Variants in ODR4 observed in about 807,000 individuals in gnomAD.
ODR4 encodes protein odr-4 homolog.
ODR4 carries 47 observed loss-of-function variants against 60.2 expected under a neutral mutation model. The ratio of observed to expected loss-of-function variants is 0.78; its 90% confidence interval spans 0.62 to 1.00. The LOEUF is 1.00. ODR4 is among the 50% of genes least tolerant of loss of function. The probability of loss-of-function intolerance (pLI) is 0.00; values close to 1 mark genes in which losing one functional copy is unlikely to be tolerated. For missense variants in ODR4, 488 were observed against 530.8 expected (o/e 0.92, Z 0.79); for synonymous variants, 178 against 175.5 (o/e 1.01, Z -0.11).
intron 2 of ODR4, among the ~76,000 whole-genome samples, 198 bp downstream of exon 2, chr1:186,380,082 T>C (rs536143340): frequency 2.6e-5 from 4 of 152,268 alleles, no homozygotes; most frequent in African/African-American, 9.6e-5. Flanking sequence ...CTAGCCCAAT[T>C]TTGCTCGTCA....
chr1:186,430,495 A>G, the ODR4 span, among the ~76,000 whole-genome samples: 1 of 152,136 alleles, frequency 6.6e-6, no homozygotes, highest in South Asian at 2.1e-4. Context: ...GGCAAATCCA[A>G]TTTAGTTGTA....
chr1:186,418,990 GTGTT>G lies in ODR4; in HGVS notation c.1298-13_1298-10del, dbSNP rs1661688168. ...TGCTCATTCCATTTTCATTTGTTCT[GTGTT>G]TGTTTTACTTTTAGGTGTGATTGCA... On this transcript the variant is annotated splice_polypyrimidine_tract_variant and intron_variant, in intron 13 of 13. Coordinates refer to ENST00000287859, the MANE Select transcript of ODR4 (RefSeq NM_017847.6). 1 of 1,592,448 alleles carries G rather than the reference GTGTT, an allele frequency of 6.3e-7. No individual in the cohort carries two copies. The highest frequency in any genetic ancestry group is 8.6e-7 in the Non-Finnish European group (1 of 1,168,230).
rs547459488 is a variant in ODR4, at chr1:186,410,981, CT to C, written c.1186+4714del. On this transcript the variant is annotated intron_variant, in intron 12 of 13. Coordinates refer to ENST00000287859, the MANE Select transcript of ODR4 (RefSeq NM_017847.6). ...GGTGAGCCAAGATCGTGCCATTGCACTCCAGCCTGGGCAACAAGAGCAAAAC... is the reference window on the plus strand; with the variant it reads ...GGTGAGCCAAGATCGTGCCATTGCACCCAGCCTGGGCAACAAGAGCAAAAC... Among the ~76,000 whole-genome samples the C allele has an allele frequency of 1.1e-4, 16 of 151,610 alleles. No individual in the cohort carries two copies. In the South Asian group the frequency reaches 1.9e-3, roughly 18 times the overall value.
intron 11 of ODR4, among the ~76,000 whole-genome samples, chr1:186,399,990 CTTTTTTTTTT>C (rs948511178): frequency 2.3e-4 from 26 of 112,044 alleles, no homozygotes; most frequent in Non-Finnish European, 4.4e-4. Flanking sequence ...TTTTTTTTTT[CTTTTTTTTTT>C]TTTTTTTTTG....
rs76029578 is a variant in ODR4 at position 186,396,073 on chromosome 1, A to G, written c.780+2058A>G. On this transcript the variant is annotated intron_variant, in intron 9 of 13. Transcript: ENST00000287859. The stretch of plus-strand genomic sequence containing the variant: ...CTGTCACCCAAACTGTCAAAATCCT[A>G]TCTGTACATTAAGATCTAGCCCAAA... Among the ~76,000 whole-genome samples the G allele has an allele frequency of 4.6e-4, 70 of 152,220 alleles. 2 individuals carry two copies. In the East Asian group the frequency reaches 0.013, roughly 29 times the overall value.
chr1:186,393,497 A>G (rs181270678), intron 8 of ODR4, among the ~76,000 whole-genome samples: 3 of 152,238 alleles, frequency 2.0e-5, no homozygotes, highest in Non-Finnish European at 2.9e-5. Context: ...ACCTGAAGGA[A>G]GCGGAACTTT....
chr1:186,377,780 T>C (rs1659844939), intron 1 of ODR4, among the ~76,000 whole-genome samples: 1 of 152,158 alleles, frequency 6.6e-6, no homozygotes, highest in Non-Finnish European at 1.5e-5. Flanking sequence ...GCATGGTGAC[T>C]CACACCTGTA....
At position 186,402,231 on chromosome 1, in the gene ODR4, T is replaced by TTTCTTTCTTTCTTTCTTTCC. The variant is rs1459855696; in HGVS notation, c.1000+3190_1000+3191insTTTCTTTCTTTCTTTCCTTC. On this transcript the variant is annotated intron_variant, in intron 11 of 13. Coordinates refer to ENST00000287859, the MANE Select transcript of ODR4 (RefSeq NM_017847.6). Reference sequence around the variant, plus strand: ...CTTTCTTTCTTTCTTTCTTTCTTTCTTTCCTTTCTTTCTTTCTCTTCTTTT... The same window carrying TTTCTTTCTTTCTTTCTTTCC: ...CTTTCTTTCTTTCTTTCTTTCTTTCTTTCTTTCTTTCTTTCTTTCCTTCCTTTCTTTCTTTCTCTTCTTTT... 3.4e-3 allele frequency among the ~76,000 whole-genome samples: 511 copies of TTTCTTTCTTTCTTTCTTTCC among 149,488 alleles called. 9 individuals carry two copies. The highest frequency in any genetic ancestry group is 0.012 in the African/African-American group (488 of 40,228).
At chr1:186,378,811 T>G (rs943809239) in intron 1 of ODR4, among the ~76,000 whole-genome samples, 1 of 152,206 alleles carries the variant, frequency 6.6e-6, no homozygotes, top group Non-Finnish European at 1.5e-5. Context: ...TTATGAATTA[T>G]TAATGTTACA....
At position 186,383,102 on chromosome 1, in the gene ODR4, C is replaced by A; in HGVS notation, c.180C>A (p.Pro60=). The A allele has an allele frequency of 1.3e-6, 2 of 1,562,642 alleles. No individual in the cohort carries two copies. The highest frequency in any genetic ancestry group is 4.7e-5 in the East Asian group (2 of 42,322). The change falls in exon 3 of 14, where the codon CCC becomes CCA. Residue 60 remains proline (P), a synonymous_variant. Transcript: ENST00000287859. The part of the protein sequence containing the change: ...KEEQSENLKH[P]KAKLDNLDEE... ...AGCAAAGTGAGAACCTCAAACATCCCAAAGCTAAGTTGGATAACTTGGATG... is the reference window on the plus strand; with the variant it reads ...AGCAAAGTGAGAACCTCAAACATCCAAAAGCTAAGTTGGATAACTTGGATG...
intron 11 of ODR4, among the ~76,000 whole-genome samples, chr1:186,403,109 A>T (rs1230571775): frequency 6.6e-6 from 1 of 152,220 alleles, no homozygotes; most frequent in African/African-American, 2.4e-5. Flanking sequence ...AAACAGAAAT[A>T]AGATGTAAAT....
chr1:186,398,250 T>G, intron 9 of ODR4, 63 bp from the exon 10 acceptor site: 13 of 1,406,022 alleles, frequency 9.2e-6, no homozygotes, highest in Non-Finnish European at 1.2e-5. Context: ...AATATAATGT[T>G]TAAATATTTC....
At chr1:186,389,741 A>T in intron 6 of ODR4, 117 bp downstream of exon 6, 2 of 663,230 alleles carry the variant, frequency 3.0e-6, no homozygotes, top group Non-Finnish European at 5.0e-6. Flanking sequence ...ATGCCTACAA[A>T]CAACTGTAGT....
At chr1:186,382,309 G>C (rs1415822219) in intron 2 of ODR4, among the ~76,000 whole-genome samples, 1 of 150,614 alleles carries the variant, frequency 6.6e-6, no homozygotes. Flanking sequence ...TGTAGTCCTA[G>C]CTACTTGGGA....
chr1:186,406,579 C>G lies in ODR4; in HGVS notation c.1186+311C>G, dbSNP rs929975275. Among the ~76,000 whole-genome samples the G allele has an allele frequency of 3.7e-4, 57 of 152,008 alleles. 1 individual carries two copies. The highest frequency in any genetic ancestry group is 1.4e-3 in the African/African-American group (57 of 41,418). On this transcript the variant is annotated intron_variant, in intron 12 of 13. Transcript: ENST00000287859. Reference sequence around the variant, plus strand: ...TTACAAAGCTTTAAGGTATTTCTTTCAATATAAAAGTTTTCTCAAAACTCA... The same window carrying G: ...TTACAAAGCTTTAAGGTATTTCTTTGAATATAAAAGTTTTCTCAAAACTCA...
intron 1 of ODR4, among the ~76,000 whole-genome samples, chr1:186,379,271 C>T (rs187668284): frequency 4.0e-5 from 6 of 151,656 alleles, no homozygotes; most frequent in African/African-American, 1.2e-4. Context: ...GGTGAAACCC[C>T]GTCTCTACTA....
intron 7 of ODR4, among the ~76,000 whole-genome samples, chr1:186,391,143 A>G (rs1271070330): frequency 6.6e-6 from 1 of 152,166 alleles, no homozygotes; most frequent in Non-Finnish European, 1.5e-5. Flanking sequence ...GTGCTTTGTC[A>G]TTAAACTAAA....
chr1:186,431,643 A>G, the ODR4 span, among the ~76,000 whole-genome samples: 1 of 152,220 alleles, frequency 6.6e-6, no homozygotes, highest in East Asian at 1.9e-4. Context: ...GCCAATGAGA[A>G]GAATAATCTG....
downstream of ODR4, among the ~76,000 whole-genome samples, chr1:186,424,494 A>G (rs551258539): frequency 3.4e-4 from 52 of 152,324 alleles, no homozygotes; most frequent in African/African-American, 1.2e-3. Flanking sequence ...TAATGGCACT[A>G]ACATAAATTT....
Sources: allele counts gnomAD v4.1 joint callset (sites outside exome capture counted in the v4.1 genomes callset), GRCh38; gene constraint gnomAD v4.1.1; transcripts MANE v1.5; gene names NCBI Gene and HGNC (gene_info 2026-07-23, HGNC 2026-07-21).